Variants in TMEM132D observed in about 807,000 individuals in gnomAD.
The protein encoded by TMEM132D is mature OL transmembrane protein.
Under a neutral mutation model 62.3 loss-of-function variants are expected in TMEM132D, and 21 were observed. The observed-to-expected ratio is 0.34, with a 90% CI of 0.24 to 0.49. The LOEUF (loss-of-function observed/expected upper bound fraction) is 0.49. Ranked by LOEUF, TMEM132D falls within the 20% of genes least tolerant of loss-of-function variation. TMEM132D has a pLI of 0.99. For synonymous variants in TMEM132D, 621 were observed against 575.6 expected, an observed-to-expected ratio of 1.08 and a Z score of -1.13; for missense variants, 1,346 against 1,402.8, an observed-to-expected ratio of 0.96 and a Z score of 0.65.
chr12:129,314,714 G>A (rs1593333887), intron 4 of TMEM132D, among the ~76,000 whole-genome samples: 1 of 152,022 alleles, frequency 6.6e-6, no homozygotes, highest in Admixed American at 6.6e-5. Flanking sequence ...TTTTGGCAGT[G>A]TGGTCATTTT....
intron 5 of TMEM132D, among the ~76,000 whole-genome samples, chr12:129,122,257 G>C (rs141620755): frequency 6.6e-6 from 1 of 152,296 alleles, no homozygotes; most frequent in East Asian, 1.9e-4. Context: ...TCATCTCTGG[G>C]CATATTGTGC....
At chr12:129,276,652 G>C (rs548392200) in intron 4 of TMEM132D, among the ~76,000 whole-genome samples, 1 of 152,212 alleles carries the variant, frequency 6.6e-6, no homozygotes, top group Non-Finnish European at 1.5e-5. Context: ...ACCAGACAAA[G>C]AGGAAACTAC....
At chr12:129,238,710 T>A (rs1879852283) in intron 4 of TMEM132D, among the ~76,000 whole-genome samples, 1 of 152,264 alleles carries the variant, frequency 6.6e-6, no homozygotes, top group Non-Finnish European at 1.5e-5. Context: ...GATCACATAT[T>A]GCTCATCCGT....
chr12:129,116,918 C>CAAAAAAAAAAAAAAAAAAA (rs60513263), intron 5 of TMEM132D, among the ~76,000 whole-genome samples: 1 of 59,044 alleles, frequency 1.7e-5, no homozygotes, highest in Non-Finnish European at 2.9e-5. Context: ...AAAATTTCCG[C>CAAAAAAAAAAAAAAAAAAA]AAAAAAAAAA....
chr12:129,241,028 C>A (rs187143294), intron 4 of TMEM132D, among the ~76,000 whole-genome samples: 2 of 151,982 alleles, frequency 1.3e-5, no homozygotes, highest in African/African-American at 4.8e-5. Flanking sequence ...TTTTCTCCTG[C>A]CTGTGTTTGG....
At chr12:129,442,169 G>T (rs1043156862) in intron 3 of TMEM132D, among the ~76,000 whole-genome samples, 3 of 152,164 alleles carry the variant, frequency 2.0e-5, no homozygotes, top group Non-Finnish European at 4.4e-5. Flanking sequence ...AGCCTGCAAC[G>T]CTTGTCTTTC....
At chr12:129,272,641 C>T (rs1440851029) in intron 4 of TMEM132D, among the ~76,000 whole-genome samples, 2 of 151,546 alleles carry the variant, frequency 1.3e-5, no homozygotes, top group African/African-American at 2.4e-5. Context: ...TTGTTTTTTG[C>T]TTGTTGATTT....
At chr12:129,561,634 T>C (rs1877236599) in intron 2 of TMEM132D, among the ~76,000 whole-genome samples, 1 of 152,326 alleles carries the variant, frequency 6.6e-6, no homozygotes, top group African/African-American at 2.4e-5. Context: ...GCTGAGGTTT[T>C]CAACCCTATG....
intron 2 of TMEM132D, among the ~76,000 whole-genome samples, chr12:129,651,145 ATGTGTGTT>A (rs1879917784): frequency 6.6e-6 from 1 of 152,086 alleles, no homozygotes; most frequent in Non-Finnish European, 1.5e-5. Flanking sequence ...CTGTGTGTGT[ATGTGTGTT>A]TGTGTGTGTG....
At chr12:129,658,059 T>C (rs761386312) in intron 2 of TMEM132D, among the ~76,000 whole-genome samples, 2 of 152,206 alleles carry the variant, frequency 1.3e-5, no homozygotes, top group Non-Finnish European at 2.9e-5. Context: ...TAATGCAATT[T>C]CAGCTAGTAA....
intron 2 of TMEM132D, among the ~76,000 whole-genome samples, chr12:129,668,928 A>T (rs1387781814): frequency 6.6e-6 from 1 of 152,228 alleles, no homozygotes; most frequent in African/African-American, 2.4e-5. Flanking sequence ...GAGTCCCTGT[A>T]CAAGGTTCCT....
chr12:129,104,323 A>C (rs944408610), intron 5 of TMEM132D, among the ~76,000 whole-genome samples: 1 of 151,810 alleles, frequency 6.6e-6, no homozygotes, highest in Non-Finnish European at 1.5e-5. Flanking sequence ...TGGTGCTGGG[A>C]AAACTGGCTA....
At chr12:129,802,683 TAAC>T (rs1871836761) in intron 1 of TMEM132D, among the ~76,000 whole-genome samples, 1 of 147,298 alleles carries the variant, frequency 6.8e-6, no homozygotes, top group Admixed American at 6.8e-5. Flanking sequence ...AACTCACACA[TAAC>T]AATATTAACT....
At chr12:129,489,790 C>T (rs1380787410) in intron 3 of TMEM132D, among the ~76,000 whole-genome samples, 3 of 152,306 alleles carry the variant, frequency 2.0e-5, no homozygotes, top group African/African-American at 7.2e-5. Flanking sequence ...TCCTACCATT[C>T]ACAGATAATT....
At chr12:129,769,502 A>G (rs1187722076) in intron 1 of TMEM132D, among the ~76,000 whole-genome samples, 1 of 152,184 alleles carries the variant, frequency 6.6e-6, no homozygotes, top group African/African-American at 2.4e-5. Flanking sequence ...ACAATTCAAG[A>G]TAAGACTTGG....
chr12:129,699,944 T>G lies in TMEM132D; in HGVS notation c.834A>C (p.Lys278Asn), dbSNP rs1166408212. ...CCAGACGCAGTTCTCTCAGGGAGGG[T>G]TTCCTGTGTGTCTGATAAAGGAAGA... Reference protein sequence around the residue: ...GSIFLYQTHRKPSLRELRLDN... With the variant: ...GSIFLYQTHRNPSLRELRLDN... The change falls in exon 2 of 9, where the codon AAA becomes AAC. Residue 278 changes from lysine to asparagine, a missense_variant. Coordinates refer to ENST00000422113, the MANE Select transcript of TMEM132D (RefSeq NM_133448.3). 1 of 1,613,934 alleles carries G rather than the reference T, an allele frequency of 6.2e-7. No homozygotes were observed.
chr12:129,305,456 G>C (rs1279931238), intron 4 of TMEM132D, among the ~76,000 whole-genome samples: 1 of 152,022 alleles, frequency 6.6e-6, no homozygotes, highest in Non-Finnish European at 1.5e-5. Flanking sequence ...ATCAAATTAT[G>C]TATTAGTTAC....
chr12:129,609,425 ACC>A (rs1187639975), intron 2 of TMEM132D, among the ~76,000 whole-genome samples: 2 of 150,640 alleles, frequency 1.3e-5, no homozygotes, highest in Non-Finnish European at 3.0e-5. Flanking sequence ...TCCTTTAAAA[ACC>A]CCCGTGGCAT....
chr12:129,709,718 G>A (rs1881595945), intron 1 of TMEM132D, among the ~76,000 whole-genome samples: 1 of 152,164 alleles, frequency 6.6e-6, no homozygotes. Flanking sequence ...GTTCTCAGTA[G>A]GAGGTTTGAC....
Sources: allele counts gnomAD v4.1 joint callset (sites outside exome capture counted in the v4.1 genomes callset), GRCh38; gene constraint gnomAD v4.1.1; transcripts MANE v1.5; gene names NCBI Gene and HGNC (gene_info 2026-07-23, HGNC 2026-07-21).